Variants in VPS11 observed in about 807,000 individuals in gnomAD.
The protein encoded by VPS11 is vacuolar protein sorting-associated protein 11 homolog.
A neutral mutation model predicts 106.8 loss-of-function variants in VPS11; 51 were observed. The observed-to-expected ratio is 0.48, with a 90% confidence interval of 0.38 to 0.60. The LOEUF is 0.60. Ranked by LOEUF, VPS11 falls within the 20% of genes least tolerant of loss-of-function variation. The pLI, the probability that VPS11 is intolerant of heterozygous loss-of-function variation, is 0.00. For missense variants in VPS11, 950 were observed against 1,190.0 expected (o/e 0.80, Z 2.97); for synonymous variants, 453 against 458.7 (o/e 0.99, Z 0.16).
chr11:119,074,523 C>T (rs781913916), intron 7 of VPS11, among the ~76,000 whole-genome samples: 1 of 151,986 alleles, frequency 6.6e-6, no homozygotes, highest in Non-Finnish European at 1.5e-5. Context: ...CCTGTCTCAG[C>T]CTCCCAAGTA....
chr11:119,076,526 CAA>C (rs59390452), intron 7 of VPS11, among the ~76,000 whole-genome samples: 2 of 123,294 alleles, frequency 1.6e-5, no homozygotes, highest in Admixed American at 8.3e-5. Context: ...ACCTCCCTCT[CAA>C]AAAAAAAAAA....
chr11:119,072,091 G>A, intron 5 of VPS11: 1 of 398,870 alleles, frequency 2.5e-6, no homozygotes. Flanking sequence ...TCAGCCTCCT[G>A]AATAGCTGGG....
chr11:119,069,035 C>G (rs1945260715), intron 1 of VPS11, 161 bp from the exon 2 acceptor site: 5 of 244,998 alleles, frequency 2.0e-5, no homozygotes, highest in Non-Finnish European at 3.9e-5. Context: ...GCTGGGATTA[C>G]AGGTGTGAGT....
chr11:119,072,994 A>C, intron 5 of VPS11: 3 of 593,158 alleles, frequency 5.1e-6, no homozygotes, highest in Non-Finnish European at 8.9e-6. Flanking sequence ...TACTTGGGTT[A>C]ATTGTAGGAT....
Position 119,077,513 on chromosome 11 carries a change from A to T in VPS11, c.1438A>T (p.Ser480Cys), listed in dbSNP as rs782049269. The T allele has an allele frequency of 6.2e-7, 1 of 1,613,844 alleles. No homozygotes were observed. The highest frequency in any genetic ancestry group is 1.7e-5 in the Admixed American group (1 of 59,984). The change falls in exon 9 of 16, where the codon AGT becomes TGT. Residue 480 changes from serine to cysteine, a missense_variant. Physicochemically the swap from Ser to Cys is moderately radical, Grantham distance 112. Coordinates refer to ENST00000621676, the MANE Select transcript of VPS11 (RefSeq NM_021729.6). The part of the protein sequence containing the change: ...LEEFIKKKSE[S>C]EVHFDVETAI... ...GTCTCCCTGGCAGAAAAAGAGTGAG[A>T]GTGAAGTCCACTTTGATGTGGAGAC...
chr11:119,073,422 G>A, intron 6 of VPS11, 23 bp downstream of exon 6: 1 of 1,608,914 alleles, frequency 6.2e-7, no homozygotes, highest in South Asian at 1.1e-5. Flanking sequence ...GGCTCGCAGA[G>A]CTGGCCACAG....
intron 4 of VPS11, chr11:119,070,628 CCGAGTCTCACTGTGT>C (rs1215162868): frequency 6.4e-5 from 18 of 279,774 alleles, no homozygotes; most frequent in African/African-American, 4.5e-4. Flanking sequence ...TTTTTTGAGA[CCGAGTCTCACTGTGT>C]TGCTCAGGCT....
In VPS11 at chr11:119,078,966, C is replaced by A. The variant is rs571845550; in HGVS notation, c.2235C>A (p.Ile745=). The change falls in exon 13 of 16, where the codon ATC becomes ATA. Residue 745 remains isoleucine, a synonymous_variant. Coordinates refer to ENST00000621676, the MANE Select transcript of VPS11 (RefSeq NM_021729.6). The stretch of plus-strand genomic sequence containing the variant: ...ATGTGGCAGCTGTCCTCAAGCATAT[C>A]GAGAACAAGAACCTCATGCCACCTC... The part of the protein sequence containing the change: ...KEYVAAVLKH[I]ENKNLMPPLL... 6.2e-7 allele frequency: 1 copy of A among 1,614,032 alleles called. No individual in the cohort carries two copies. The highest frequency in any genetic ancestry group is 1.7e-5 in the Admixed American group (1 of 60,026).
Position 119,073,389 on chromosome 11 carries a change from C to A in VPS11, c.1076C>A (p.Thr359Asn). The stretch of plus-strand genomic sequence containing the variant: ...GCACTGCAGGAGAAGGACACACAGA[C>A]CAAACTGGAGGCAAGGCCACCAGGC... Reference protein sequence around the residue: ...VHALQEKDTQTKLEMLFKKNL... With the variant: ...VHALQEKDTQNKLEMLFKKNL... Residue 359 changes from threonine (T) to asparagine (N), a missense_variant, in exon 6 of 16, where the codon ACC becomes AAC. Physicochemically the swap from Thr to Asn is moderately conservative, Grantham distance 65 (BLOSUM62 0). This residue lies in a region of VPS11 where 435 missense variants were observed against 630.2 expected (regional missense o/e 0.69). Coordinates refer to ENST00000621676, the MANE Select transcript of VPS11 (RefSeq NM_021729.6). 1.2e-6 allele frequency: 2 copies of A among 1,612,860 alleles called. No homozygotes were observed. The highest frequency in any genetic ancestry group is 4.5e-5 in the East Asian group (2 of 44,886).
At chr11:119,071,013 C>G (rs1162614552) in intron 4 of VPS11, among the ~76,000 whole-genome samples, 1 of 149,312 alleles carries the variant, frequency 6.7e-6, no homozygotes, top group Non-Finnish European at 1.5e-5. Context: ...ACTGCAACCT[C>G]TGCCTCCTGG....
At chr11:119,081,394 C>G (rs938663947) in intron 15 of VPS11, 65 bp from the exon 16 acceptor site, 12 of 1,611,108 alleles carry the variant, frequency 7.4e-6, no homozygotes, top group African/African-American at 1.3e-5. Flanking sequence ...TCCTTATCAC[C>G]TCCTCATTTA....
At position 119,077,585 on chromosome 11, in the gene VPS11, T is replaced by C. The variant is rs1592195742; in HGVS notation, c.1510T>C (p.Tyr504His). Reference sequence around the variant, plus strand: ...GGCTGGCTACTACTCCCATGCCCTGTATCTGGCGGAGAACCATGCACATCA... The same window carrying C: ...GGCTGGCTACTACTCCCATGCCCTGCATCTGGCGGAGAACCATGCACATCA... ...RQAGYYSHALYLAENHAHHEW... is the reference protein window; with the variant it reads ...RQAGYYSHALHLAENHAHHEW... Residue 504 changes from tyrosine (Y) to histidine (H), a missense_variant, in exon 9 of 16, where the codon TAT (tyrosine) becomes CAT (histidine). By Grantham distance (83) the Tyr-to-His change is moderately conservative. Around this residue, in one of 3 missense-constraint regions of VPS11, gnomAD observed 435 missense variants for 630.2 expected, o/e 0.69. Transcript: ENST00000621676. 6.2e-7 allele frequency: 1 copy of C among 1,613,818 alleles called. No individual in the cohort carries two copies. Among genetic ancestry groups the C allele is most frequent in the Non-Finnish European group, 8.5e-7 (1 of 1,179,772 alleles).
intron 4 of VPS11, among the ~76,000 whole-genome samples, chr11:119,071,135 G>T (rs1477840313): frequency 2.6e-5 from 4 of 152,026 alleles, no homozygotes; most frequent in African/African-American, 2.4e-5. Flanking sequence ...TCACCATGTT[G>T]CCCAGGCTGA....
Position 119,073,885 on chromosome 11 carries a change from T to G in VPS11, c.1172T>G (p.Phe391Cys). Residue 391 changes from phenylalanine (F) to cysteine (C), a missense_variant, in exon 7 of 16, where the codon TTC (phenylalanine) becomes TGC (cysteine). This residue lies in a region of VPS11 where 435 missense variants were observed against 630.2 expected (regional missense o/e 0.69). Transcript: ENST00000621676. ...HLDSDGLAQI[F>C]MQYGDHLYSK... is the part of the protein sequence containing the mutation. The stretch of plus-strand genomic sequence containing the variant: ...GACAGTGATGGGCTGGCCCAGATTT[T>G]CATGCAGTATGGAGACCATCTCTAC... 1 of 1,613,928 alleles carries G rather than the reference T, an allele frequency of 6.2e-7. No individual in the cohort carries two copies. The highest frequency in any genetic ancestry group is 2.2e-5 in the East Asian group (1 of 44,890).
Position 119,071,806 on chromosome 11 carries a change from C to G in VPS11, c.847C>G (p.Leu283Val). The change falls in exon 5 of 16, where the codon CTT (leucine) becomes GTT (valine). Residue 283 changes from leucine to valine, a missense_variant. Around this residue, in one of 3 missense-constraint regions of VPS11, gnomAD observed 435 missense variants for 630.2 expected, o/e 0.69. Transcript: ENST00000621676. ...CATTGCCCACTGGTTTAGAGGCTACCTTATCATTGTCTCCCGTGACCGGAA... is the reference window on the plus strand; with the variant it reads ...CATTGCCCACTGGTTTAGAGGCTACGTTATCATTGTCTCCCGTGACCGGAA... ...KLIAHWFRGYLIIVSRDRKVS... is the reference protein window; with the variant it reads ...KLIAHWFRGYVIIVSRDRKVS... 3 of 1,613,846 alleles carry G rather than the reference C, an allele frequency of 1.9e-6. No individual in the cohort carries two copies. Among genetic ancestry groups the G allele is most frequent in the Non-Finnish European group, 2.5e-6 (3 of 1,179,798 alleles).
intron 2 of VPS11, 25 bp from the exon 3 acceptor site, chr11:119,069,417 T>C: frequency 6.2e-7 from 1 of 1,613,894 alleles, no homozygotes; most frequent in Non-Finnish European, 8.5e-7. Flanking sequence ...TGACTAGCAT[T>C]TACACTTCTG....
rs1203761493 is a variant in VPS11 at position 119,069,576 on chromosome 11, T to A, written c.471T>A (p.Ile157=). Residue 157 remains isoleucine (I), a splice_region_variant and synonymous_variant, in exon 3 of 16, where the codon ATT becomes ATA. Coordinates refer to ENST00000621676, the MANE Select transcript of VPS11 (RefSeq NM_021729.6). ...ATGAAAATCTCAACTTTATGGCCAT[T>A]GGTAAACAGAAGGCAAAACTAACCC... ...TVHENLNFMA[I]GFTDGSVTLN... is the part of the protein sequence containing the mutation. 3.1e-6 allele frequency: 5 copies of A among 1,613,878 alleles called. No homozygotes were observed. Among genetic ancestry groups the A allele is most frequent in the Admixed American group, 1.7e-5 (1 of 59,990 alleles).
intron 4 of VPS11, chr11:119,070,611 C>CTTT (rs10636140): frequency 0.059 from 15,122 of 254,724 alleles, 72 homozygotes; most frequent in South Asian, 0.078. Context: ...AATTTTCTTT[C>CTTT]TTTTTTTTTT....
Position 119,069,618 on chromosome 11 carries a change from G to T in VPS11, c.472+41G>T, listed in dbSNP as rs999975153. The T allele has an allele frequency of 4.3e-6, 7 of 1,613,210 alleles. No homozygotes were observed. The African/African-American group carries it at 6.7e-5, about 15-fold the overall frequency. On this transcript the variant is annotated intron_variant, in intron 3 of 15. Transcript: ENST00000621676. ...AACTAACCCTCCTAGATTTGTTATAGATTTTCTTCAGAGTTGCTTCTGCCT... is the reference window on the plus strand; with the variant it reads ...AACTAACCCTCCTAGATTTGTTATATATTTTCTTCAGAGTTGCTTCTGCCT...
Sources: gnomAD v4.1 joint callset for allele counts (sites outside exome capture counted in the v4.1 genomes callset) on GRCh38, gnomAD v4.1.1 for gene constraint, gnomAD v4.1.1 regional missense constraint, MANE v1.5 for transcripts, NCBI Gene and HGNC (gene_info 2026-07-23, HGNC 2026-07-21) for gene names.